CTNNA2: variants seen among roughly 807,000 people sequenced by gnomAD.
The protein encoded by CTNNA2 is catenin alpha-2.
A neutral mutation model predicts 101.0 loss-of-function variants in CTNNA2; 42 were observed. That is an observed-to-expected ratio of 0.42 (90% CI 0.32 to 0.54). The LOEUF is 0.54. Ranked by LOEUF, CTNNA2 falls within the 20% of genes least tolerant of loss-of-function variation. The pLI, the probability that CTNNA2 is intolerant of heterozygous loss-of-function variation, is 0.14. For missense variants in CTNNA2, 871 were observed against 1,223.1 expected (o/e 0.71, Z 4.29); for synonymous variants, 450 against 456.4 (o/e 0.99, Z 0.18).
At chr2:79,330,160 A>G (rs923332545) in intron 3 of CTNNA2, among the ~76,000 whole-genome samples, 3 of 152,188 alleles carry the variant, frequency 2.0e-5, no homozygotes, top group Admixed American at 2.0e-4. Context: ...CAGTCCTACC[A>G]GCTGTCCACA....
intron 9 of CTNNA2, among the ~76,000 whole-genome samples, chr2:80,438,488 G>A (rs533301870): frequency 2.0e-5 from 3 of 151,872 alleles, no homozygotes; most frequent in Non-Finnish European, 4.4e-5. Context: ...TTGTTTTGAA[G>A]GCTTTACATT....
At chr2:79,489,520 C>A (rs532871362) in intron 4 of CTNNA2, among the ~76,000 whole-genome samples, 2 of 152,260 alleles carry the variant, frequency 1.3e-5, no homozygotes, top group South Asian at 4.1e-4. Context: ...GTAGGGCTTT[C>A]TGGTAAGCAG....
chr2:79,863,224 A>T (rs1161179833), intron 4 of CTNNA2, among the ~76,000 whole-genome samples: 1 of 140,980 alleles, frequency 7.1e-6, no homozygotes, highest in Non-Finnish European at 1.5e-5. Context: ...TTAATTATTT[A>T]GATGGATAAC....
chr2:80,098,898 A>G (rs959848057), intron 7 of CTNNA2, among the ~76,000 whole-genome samples: 2 of 152,066 alleles, frequency 1.3e-5, no homozygotes, highest in African/African-American at 4.8e-5. Flanking sequence ...TCCAGATGCC[A>G]TCTGTCACCC....
At chr2:79,558,257 T>C (rs1573340125) in intron 1 of CTNNA2, among the ~76,000 whole-genome samples, 1 of 152,028 alleles carries the variant, frequency 6.6e-6, no homozygotes, top group Non-Finnish European at 1.5e-5. Flanking sequence ...TGCCATTTAG[T>C]GATGCAAAAA....
chr2:80,365,571 G>GA (rs3040567), intron 7 of CTNNA2, among the ~76,000 whole-genome samples: 39,055 of 135,726 alleles, frequency 0.29, 5,153 homozygotes, highest in East Asian at 0.41. Context: ...GTGTTTTTTG[G>GA]AAAAAAAAAA....
chr2:79,781,040 G>A (rs546720898), intron 3 of CTNNA2, among the ~76,000 whole-genome samples: 1 of 152,290 alleles, frequency 6.6e-6, no homozygotes, highest in Admixed American at 6.5e-5. Flanking sequence ...AGAGTAAAGT[G>A]AAAGCAAGTT....
At chr2:80,032,101 C>A (rs1193959273) in intron 7 of CTNNA2, among the ~76,000 whole-genome samples, 1 of 152,060 alleles carries the variant, frequency 6.6e-6, no homozygotes, top group African/African-American at 2.4e-5. Flanking sequence ...AAGTTTATAG[C>A]TTTCATAAGA....
intron 7 of CTNNA2, among the ~76,000 whole-genome samples, chr2:80,306,375 C>CTTTCT (rs1221909340): frequency 0.022 from 3,068 of 139,026 alleles, 78 homozygotes; most frequent in African/African-American, 0.028. Flanking sequence ...TTCTTTCTTT[C>CTTTCT]TTTCTTTTCT....
At chr2:80,404,056 T>C (rs1472418857) in intron 8 of CTNNA2, among the ~76,000 whole-genome samples, 1 of 152,242 alleles carries the variant, frequency 6.6e-6, no homozygotes, top group Admixed American at 6.5e-5. Flanking sequence ...TCAGGGATAT[T>C]GGACTGAAAT....
chr2:80,190,631 G>A (rs1676433848), intron 7 of CTNNA2, among the ~76,000 whole-genome samples: 2 of 152,168 alleles, frequency 1.3e-5, no homozygotes, highest in Admixed American at 1.3e-4. Context: ...CTAAGGGTAT[G>A]CTGAAATCAT....
In CTNNA2 at chr2:80,043,089, TTCTTTCTCTCTCTC is replaced by T. The variant is rs1437044172; in HGVS notation, c.1056+133296_1056+133309del. On this transcript the variant is annotated intron_variant, in intron 7 of 18. Transcript: ENST00000402739. ...TTTCTTTCTTTCTTTCTTTCTTTCTTTCTTTCTCTCTCTCTCTCTCTCTTTCTTTCTCCTTCCTT... is the reference window on the plus strand; with the variant it reads ...TTTCTTTCTTTCTTTCTTTCTTTCTTTCTCTCTCTTTCTTTCTCCTTCCTT... 1.9e-3 allele frequency among the ~76,000 whole-genome samples: 59 copies of T among 31,508 alleles called. 1 individual carries two copies. Among genetic ancestry groups the T allele is most frequent in the African/African-American group, 7.5e-3 (50 of 6,706 alleles). The allele number at this position is 31,508 out of a possible 152,430, so 20.7% of individuals were successfully genotyped here.
chr2:80,604,145 G>T lies in CTNNA2; in HGVS notation c.2261G>T (p.Arg754Leu), dbSNP rs1333030135. 3 of 1,613,028 alleles carry T rather than the reference G, an allele frequency of 1.9e-6. No individual in the cohort carries two copies. Among genetic ancestry groups the T allele is most frequent in the Non-Finnish European group, 2.5e-6 (3 of 1,179,416 alleles). The change falls in exon 16 of 19, where the codon CGA becomes CTA. Residue 754 changes from arginine (R) to leucine (L), a missense_variant. Coordinates refer to ENST00000402739, the MANE Select transcript of CTNNA2 (RefSeq NM_001282597.3). ...AAGAAAATTGCCGAAGCAGGTTCTC[G>T]AATGGACAAATTAGCTCGTGCTGTG... ...AAKKIAEAGS[R>L]MDKLARAVAD...
intron 7 of CTNNA2, among the ~76,000 whole-genome samples, chr2:80,351,547 G>A (rs1479040576): frequency 6.6e-6 from 1 of 152,104 alleles, no homozygotes; most frequent in East Asian, 1.9e-4. Flanking sequence ...TATTTTTAGA[G>A]CAATCAGTTT....
At chr2:79,716,970 A>C (rs2104840312) in intron 2 of CTNNA2, among the ~76,000 whole-genome samples, 1 of 152,234 alleles carries the variant, frequency 6.6e-6, no homozygotes, top group South Asian at 2.1e-4. Flanking sequence ...TGAAATTTTC[A>C]TCATTGTAAT....
At chr2:80,249,191 T>C (rs918996033) in intron 7 of CTNNA2, among the ~76,000 whole-genome samples, 2 of 152,188 alleles carry the variant, frequency 1.3e-5, no homozygotes, top group Non-Finnish European at 2.9e-5. Flanking sequence ...CCAGAGTCCA[T>C]GTTTGACACT....
chr2:79,748,770 G>A (rs1671808055), intron 3 of CTNNA2, among the ~76,000 whole-genome samples: 1 of 151,914 alleles, frequency 6.6e-6, no homozygotes, highest in Admixed American at 6.6e-5. Flanking sequence ...AAACCTGGCT[G>A]CATGCCAGAT....
intron 15 of CTNNA2, among the ~76,000 whole-genome samples, chr2:80,596,837 G>T (rs974740247): frequency 6.6e-6 from 1 of 152,076 alleles, no homozygotes; most frequent in Non-Finnish European, 1.5e-5. Context: ...TTGATATTGG[G>T]TATGGGTTTG....
chr2:80,582,632 A>G (rs143110405), intron 14 of CTNNA2, among the ~76,000 whole-genome samples: 8 of 152,298 alleles, frequency 5.3e-5, no homozygotes, highest in Non-Finnish European at 1.0e-4. Flanking sequence ...TAGAGACTGC[A>G]TAGGACGATG....
Sources: gnomAD v4.1 joint callset for allele counts (sites outside exome capture counted in the v4.1 genomes callset) on GRCh38, gnomAD v4.1.1 for gene constraint, MANE v1.5 for transcripts, NCBI Gene and HGNC (gene_info 2026-07-23, HGNC 2026-07-21) for gene names.